Variants in DLEU7 observed in about 807,000 individuals in gnomAD.
DLEU7 encodes the protein leukemia-associated protein 7.
A neutral mutation model predicts 16.0 loss-of-function variants in DLEU7; 17 were observed. The observed-to-expected ratio is 1.06, with a 90% confidence interval of 0.73 to 1.59. DLEU7 has a LOEUF of 1.59. Ranked by LOEUF, DLEU7 falls within the 40% of genes most tolerant of loss-of-function variation. The pLI is 0.00. For missense variants in DLEU7, 308 were observed against 314.9 expected, an observed-to-expected ratio of 0.98 and a Z score of 0.17; for synonymous variants, 113 against 139.8, an observed-to-expected ratio of 0.81 and a Z score of 1.35.
chr13:50,716,192 A>G (rs1593524669), intron 1 of DLEU7, among the ~76,000 whole-genome samples: 1 of 152,322 alleles, frequency 6.6e-6, no homozygotes, highest in South Asian at 2.1e-4. Flanking sequence ...TGTTTAATAG[A>G]CCAGATTCAC....
intron 1 of DLEU7, among the ~76,000 whole-genome samples, chr13:50,720,045 T>C (rs1458619554): frequency 6.6e-6 from 1 of 152,170 alleles, no homozygotes; most frequent in African/African-American, 2.4e-5. Context: ...AATTATAAAA[T>C]GGTATCATGT....
chr13:50,820,170 C>T (rs1876853736), downstream of DLEU7, among the ~76,000 whole-genome samples: 1 of 151,932 alleles, frequency 6.6e-6, no homozygotes, highest in Admixed American at 6.6e-5. Context: ...GGAGTCTTGA[C>T]AAGAGAAGTT....
chr13:50,809,263 C>T (rs890945261), intron 1 of DLEU7, among the ~76,000 whole-genome samples: 27 of 152,126 alleles, frequency 1.8e-4, no homozygotes, highest in African/African-American at 5.8e-4. Context: ...AAAAAAGAGA[C>T]GTTTCACTCA....
intron 1 of DLEU7, among the ~76,000 whole-genome samples, chr13:50,713,566 T>C (rs2137698923): frequency 6.6e-6 from 1 of 152,304 alleles, no homozygotes; most frequent in South Asian, 2.1e-4. Flanking sequence ...AAAATAGAAT[T>C]CTAGAAATAA....
intron 1 of DLEU7, among the ~76,000 whole-genome samples, chr13:50,770,418 T>C (rs556114493): frequency 2.6e-5 from 4 of 152,292 alleles, no homozygotes; most frequent in African/African-American, 9.6e-5. Flanking sequence ...TTTTCATAAA[T>C]AGCTCTTATT....
downstream of DLEU7, chr13:50,822,660 T>C: frequency 2.0e-6 from 2 of 985,314 alleles, no homozygotes; most frequent in Non-Finnish European, 2.4e-6. Flanking sequence ...TACTGTGCTT[T>C]GTATTTACAT....
At chr13:50,835,514 T>A (rs1053322011) in intron 1 of DLEU7, among the ~76,000 whole-genome samples, 10 of 152,186 alleles carry the variant, frequency 6.6e-5, no homozygotes, top group African/African-American at 2.4e-4. Flanking sequence ...TTGGCAAGGA[T>A]CACATCCAAA....
downstream of DLEU7, among the ~76,000 whole-genome samples, chr13:50,819,546 T>G (rs1876834035): frequency 6.6e-6 from 1 of 152,114 alleles, no homozygotes; most frequent in East Asian, 1.9e-4. Flanking sequence ...AGGACCAGAA[T>G]AGTGGCTATG....
chr13:50,713,987 A>G (rs920315567), intron 1 of DLEU7, among the ~76,000 whole-genome samples: 6 of 152,348 alleles, frequency 3.9e-5, no homozygotes, highest in African/African-American at 1.4e-4. Context: ...GCTGTGTTAC[A>G]GAACTGCTGC....
chr13:50,782,971 A>C (rs1875698620), intron 1 of DLEU7, among the ~76,000 whole-genome samples: 1 of 152,138 alleles, frequency 6.6e-6, no homozygotes, highest in Admixed American at 6.5e-5. Context: ...TCTCTTTTCT[A>C]TTCTTCCTAA....
At chr13:50,717,497 C>A (rs1006972483) in intron 1 of DLEU7, among the ~76,000 whole-genome samples, 4 of 151,936 alleles carry the variant, frequency 2.6e-5, no homozygotes, top group African/African-American at 7.3e-5. Context: ...GTACATTTTG[C>A]AAACTGGAGT....
chr13:50,718,302 A>G (rs1261278806), intron 1 of DLEU7, among the ~76,000 whole-genome samples: 1 of 152,256 alleles, frequency 6.6e-6, no homozygotes, highest in African/African-American at 2.4e-5. Flanking sequence ...ATATTTCCAA[A>G]GAAAAGGCTT....
chr13:50,779,643 T>A (rs9591361), intron 1 of DLEU7, among the ~76,000 whole-genome samples: 1,531 of 152,236 alleles, frequency 0.01, 27 homozygotes, highest in African/African-American at 0.034. Flanking sequence ...CAATCCCTTC[T>A]GGATGTGCTG....
chr13:50,711,858 C>A (rs925088494), downstream of DLEU7: 22 of 149,500 alleles, frequency 1.5e-4, no homozygotes, highest in African/African-American at 5.5e-4. Context: ...GGACTCAGGG[C>A]AGCCAGCTCC....
chr13:50,720,887 T>C (rs1427513978), intron 1 of DLEU7, among the ~76,000 whole-genome samples: 2 of 152,208 alleles, frequency 1.3e-5, no homozygotes, highest in African/African-American at 4.8e-5. Flanking sequence ...TTTGGCTATA[T>C]ATGAATTTAG....
At chr13:50,832,602 TCTC>T (rs2137810526) in intron 1 of DLEU7, among the ~76,000 whole-genome samples, 1 of 152,306 alleles carries the variant, frequency 6.6e-6, no homozygotes, top group South Asian at 2.1e-4. Flanking sequence ...TTTCCCACCT[TCTC>T]CTATGGGCAT....
chr13:50,839,164 C>A (rs184890978), intron 1 of DLEU7, among the ~76,000 whole-genome samples: 2 of 152,220 alleles, frequency 1.3e-5, no homozygotes, highest in African/African-American at 2.4e-5. Context: ...ATGTTCATAA[C>A]GCCCCTAAGG....
At chr13:50,789,513 T>C (rs1333988778) in intron 1 of DLEU7, among the ~76,000 whole-genome samples, 2 of 151,256 alleles carry the variant, frequency 1.3e-5, no homozygotes, top group Non-Finnish European at 2.9e-5. Context: ...TATTTAAATA[T>C]GTATATATGT....
Position 50,804,289 on chromosome 13 carries a change from AT to A in DLEU7, c.459+38898del, listed in dbSNP as rs559253587. The stretch of plus-strand genomic sequence containing the variant: ...TATAGGACCTGTATTAAATGTTTAT[AT>A]TTTTTTAGAGAGAATTGAAAACTGT... On this transcript the variant is annotated intron_variant, in intron 1 of 1. Transcript: ENST00000400393. Among the ~76,000 whole-genome samples, 46 of 151,874 alleles carry A rather than the reference AT, an allele frequency of 3.0e-4. 1 individual carries two copies. In the South Asian group the frequency reaches 7.5e-3, roughly 25 times the overall value.
Sources: gnomAD v4.1 joint callset for allele counts (sites outside exome capture counted in the v4.1 genomes callset) on GRCh38, gnomAD v4.1.1 for gene constraint, MANE v1.5 for transcripts, NCBI Gene and HGNC (gene_info 2026-07-23, HGNC 2026-07-21) for gene names.